The following KCNQ2 variants were observed in gnomAD, a reference collection of about 807,000 sequenced individuals.
KCNQ2 encodes potassium voltage-gated channel subfamily Q member 2, also known as potassium voltage-gated channel subfamily KQT member 2.
In KCNQ2, 14 loss-of-function variants were observed where a neutral mutation model predicts 84.8. That is an observed-to-expected ratio of 0.17 (90% CI 0.11 to 0.26). KCNQ2 has a LOEUF of 0.26. Among genes scored for constraint, KCNQ2 ranks in the 10% least tolerant of loss-of-function variants. The pLI, the probability that KCNQ2 is intolerant of heterozygous loss-of-function variation, is 1.00. For synonymous variants in KCNQ2, 599 were observed against 554.1 expected (o/e 1.08, Z -1.14); for missense variants, 788 against 1,254.0 (o/e 0.63, Z 5.61).
At chr20:63,439,160 G>GCTGCCCTGCCCTGCC (rs971546461) in intron 6 of KCNQ2, among the ~76,000 whole-genome samples, 19 of 152,194 alleles carry the variant, frequency 1.2e-4, no homozygotes, top group African/African-American at 4.1e-4. Flanking sequence ...CCGTGCACCA[G>GCTGCCCTGCCCTGCC]CTGCCCTGCC....
At chr20:63,445,397 G>A (rs1355121457) in intron 2 of KCNQ2, 33 bp from the exon 3 acceptor site, 4 of 1,610,912 alleles carry the variant, frequency 2.5e-6, no homozygotes, top group African/African-American at 1.3e-5. Flanking sequence ...CCACCTTGAG[G>A]CCTGGGGGAG....
chr20:63,454,640 C>T (rs1348152799), intron 1 of KCNQ2, among the ~76,000 whole-genome samples: 1 of 152,262 alleles, frequency 6.6e-6, no homozygotes, highest in Admixed American at 6.5e-5. Context: ...ACCGTGGTGT[C>T]CCCAAGACAT....
chr20:63,436,102 T>C (rs2080992980), intron 7 of KCNQ2, among the ~76,000 whole-genome samples: 1 of 152,020 alleles, frequency 6.6e-6, no homozygotes, highest in Non-Finnish European at 1.5e-5. Context: ...GTGGCAGCAT[T>C]TGAGAGGACT....
intron 5 of KCNQ2, among the ~76,000 whole-genome samples, chr20:63,440,512 C>A (rs2081128813): frequency 6.6e-6 from 1 of 152,208 alleles, no homozygotes; most frequent in African/African-American, 2.4e-5. Context: ...AGGACAGCCG[C>A]ACGGAGGCCA....
intron 7 of KCNQ2, among the ~76,000 whole-genome samples, chr20:63,436,700 A>C (rs2081019271): frequency 6.6e-6 from 1 of 152,032 alleles, no homozygotes; most frequent in Non-Finnish European, 1.5e-5. Context: ...AAGTGAAAGT[A>C]CGTGCAGTGT....
intron 1 of KCNQ2, chr20:63,459,984 G>A (rs1189541931): frequency 1.3e-5 from 2 of 152,222 alleles, no homozygotes; most frequent in Non-Finnish European, 1.5e-5. Context: ...ATGTGGACAG[G>A]TGCGTTTACA....
chr20:63,456,415 C>T (rs1316420785), intron 1 of KCNQ2, among the ~76,000 whole-genome samples: 1 of 152,194 alleles, frequency 6.6e-6, no homozygotes, highest in Non-Finnish European at 1.5e-5. Flanking sequence ...CAGGCCCCTT[C>T]CCCAGAGGCT....
chr20:63,469,909 G>T (rs1488580384), intron 1 of KCNQ2, among the ~76,000 whole-genome samples: 3 of 152,272 alleles, frequency 2.0e-5, no homozygotes, highest in African/African-American at 7.2e-5. Context: ...CACACCAGGG[G>T]TCTGGGAGCC....
chr20:63,431,769 C>A (rs1043928447), intron 8 of KCNQ2, among the ~76,000 whole-genome samples: 2 of 152,196 alleles, frequency 1.3e-5, no homozygotes, highest in African/African-American at 4.8e-5. Context: ...GTCTGTCCAC[C>A]CTGGCCAACT....
chr20:63,457,603 C>T (rs1008448873), intron 1 of KCNQ2, among the ~76,000 whole-genome samples: 1 of 152,240 alleles, frequency 6.6e-6, no homozygotes, highest in Non-Finnish European at 1.5e-5. Flanking sequence ...ATGGCCACTT[C>T]CTTCAGCCAG....
rs144493259 is a variant in KCNQ2, at chr20:63,447,354, C to G, written c.297-517G>C. ...TCTGCCAGTTAAACCCGGAGCCAAGCAACAGGAGCTCCTCGGATCACCTTC... is the reference window on the plus strand; with the variant it reads ...TCTGCCAGTTAAACCCGGAGCCAAGGAACAGGAGCTCCTCGGATCACCTTC... On this transcript the variant is annotated intron_variant, in intron 1 of 16. Coordinates refer to ENST00000359125, the MANE Select transcript of KCNQ2 (RefSeq NM_172107.4). The G allele has an allele frequency of 8.7e-3, 1,383 of 158,804 alleles. 21 individuals carry two copies. Among genetic ancestry groups the G allele is most frequent in the African/African-American group, 0.031 (1,279 of 41,672 alleles). 9.8% of individuals were successfully genotyped at this position (158,804 alleles called of 1,614,324 possible). A position where few individuals can be genotyped will look rare whatever the true frequency, so the allele number is the denominator to read the frequency against.
intron 1 of KCNQ2, among the ~76,000 whole-genome samples, chr20:63,467,994 C>T (rs1312755037): frequency 6.6e-6 from 1 of 152,218 alleles, no homozygotes; most frequent in African/African-American, 2.4e-5. Flanking sequence ...AGCTCCTATC[C>T]TCTCACAGAC....
intron 7 of KCNQ2, among the ~76,000 whole-genome samples, chr20:63,437,660 T>C (rs2081045210): frequency 6.6e-6 from 1 of 152,210 alleles, no homozygotes; most frequent in African/African-American, 2.4e-5. Context: ...ATTATCTCCA[T>C]CTCAAGATTT....
chr20:63,464,408 T>G (rs1030797124), intron 1 of KCNQ2, among the ~76,000 whole-genome samples: 2 of 151,990 alleles, frequency 1.3e-5, no homozygotes, highest in Non-Finnish European at 2.9e-5. Flanking sequence ...ACGGGGTCTG[T>G]GGTTTAGACA....
At chr20:63,463,173 G>A (rs1192904856) in intron 1 of KCNQ2, among the ~76,000 whole-genome samples, 1 of 152,012 alleles carries the variant, frequency 6.6e-6, no homozygotes, top group East Asian at 1.9e-4. Flanking sequence ...AAGGCAGGAG[G>A]ATCGCTCAGG....
In KCNQ2 at chr20:63,444,872, G is replaced by A. The variant is rs140255247; in HGVS notation, c.515-38C>T. 2,984 of 1,546,514 alleles carry A rather than the reference G, an allele frequency of 1.9e-3. 42 individuals carry two copies. In the African/African-American group the frequency reaches 0.032, roughly 16 times the overall value. ...CGTGGAGCTGGTGAGCTGCTGGGCC[G>A]CTCCCCGCACCCCCTTGGAGAAAAC... On this transcript the variant is annotated intron_variant, in intron 3 of 16. Transcript: ENST00000359125.
chr20:63,462,241 G>A (rs555842734), intron 1 of KCNQ2, among the ~76,000 whole-genome samples: 1 of 145,378 alleles, frequency 6.9e-6, no homozygotes, highest in East Asian at 2.1e-4. Flanking sequence ...CAGGCAGCAG[G>A]GAGGAGGCAG....
chr20:63,436,399 T>C (rs932596197), intron 7 of KCNQ2, among the ~76,000 whole-genome samples: 25 of 152,012 alleles, frequency 1.6e-4, no homozygotes, highest in East Asian at 3.9e-4. Context: ...GGCGTGGTGG[T>C]GGGTGCCTGT....
intron 1 of KCNQ2, among the ~76,000 whole-genome samples, chr20:63,470,441 G>T (rs540087689): frequency 1.3e-5 from 2 of 152,228 alleles, no homozygotes; most frequent in Non-Finnish European, 2.9e-5. Flanking sequence ...GTGTCCCCAT[G>T]CTTTGCCCCA....
Sources: gnomAD v4.1 joint callset for allele counts (sites outside exome capture counted in the v4.1 genomes callset) on GRCh38, gnomAD v4.1.1 for gene constraint, MANE v1.5 for transcripts, NCBI Gene and HGNC (gene_info 2026-07-23, HGNC 2026-07-21) for gene names.